Variants in SLC10A7 observed in about 807,000 individuals in gnomAD.
The protein encoded by SLC10A7 is sodium/bile acid cotransporter 7.
A neutral mutation model predicts 43.2 loss-of-function variants in SLC10A7; 29 were observed. The ratio of observed to expected loss-of-function variants is 0.67; its 90% CI spans 0.50 to 0.92. The LOEUF (loss-of-function observed/expected upper bound fraction) is 0.92. Ranked by LOEUF, SLC10A7 falls within the 40% of genes least tolerant of loss-of-function variation. SLC10A7 has a pLI of 0.00. For synonymous variants in SLC10A7, 152 were observed against 144.8 expected, an observed-to-expected ratio of 1.05 and a Z score of -0.35; for missense variants, 295 against 403.2, an observed-to-expected ratio of 0.73 and a Z score of 2.30.
intron 5 of SLC10A7, among the ~76,000 whole-genome samples, chr4:146,409,520 G>A (rs573324144): frequency 4.1e-4 from 62 of 152,014 alleles, no homozygotes; most frequent in Non-Finnish European, 7.6e-4. Context: ...GGGGGTGATG[G>A]AATGTTCTAC....
At chr4:146,437,266 G>A (rs1730285413) in intron 5 of SLC10A7, among the ~76,000 whole-genome samples, 1 of 152,014 alleles carries the variant, frequency 6.6e-6, no homozygotes. Context: ...GCTCAAACAG[G>A]TGATGATCAA....
intron 5 of SLC10A7, among the ~76,000 whole-genome samples, chr4:146,400,270 A>G (rs536733894): frequency 1.7e-4 from 26 of 152,294 alleles, no homozygotes; most frequent in Admixed American, 7.2e-4. Flanking sequence ...ACAAGGGTAG[A>G]GCCTAAAGGC....
Position 146,261,220 on chromosome 4 carries a change from G to A in SLC10A7, c.848-2383C>T, listed in dbSNP as rs182022262. ...GGGCCCCAGAGGAAGGCTGGAGGAG[G>A]AGGAGGAATTTCTTTCTAGTCTGGG... On this transcript the variant is annotated intron_variant, in intron 10 of 11. Coordinates refer to ENST00000335472, the MANE Select transcript of SLC10A7 (RefSeq NM_001029998.6). Among the ~76,000 whole-genome samples the A allele has an allele frequency of 3.0e-3, 457 of 152,308 alleles. 2 individuals are homozygous for A. Among genetic ancestry groups the A allele is most frequent in the African/African-American group, 9.8e-3 (409 of 41,576 alleles).
At chr4:146,461,438 C>A (rs1732516389) in intron 4 of SLC10A7, among the ~76,000 whole-genome samples, 1 of 151,820 alleles carries the variant, frequency 6.6e-6, no homozygotes, top group African/African-American at 2.4e-5. Context: ...TAAAGTAAGG[C>A]CCAGTAAGCC....
intron 4 of SLC10A7, among the ~76,000 whole-genome samples, chr4:146,501,359 T>C (rs1247748458): frequency 6.6e-6 from 1 of 152,220 alleles, no homozygotes; most frequent in Admixed American, 6.5e-5. Context: ...TGGCTGACAT[T>C]ACAAGTATTC....
At chr4:146,338,256 G>T (rs904348498) in intron 5 of SLC10A7, among the ~76,000 whole-genome samples, 4 of 151,900 alleles carry the variant, frequency 2.6e-5, no homozygotes, top group African/African-American at 7.2e-5. Context: ...AATGAGACTA[G>T]TTGACATTTA....
At chr4:146,404,360 C>T (rs1739427037) in intron 5 of SLC10A7, among the ~76,000 whole-genome samples, 1 of 152,144 alleles carries the variant, frequency 6.6e-6, no homozygotes, top group Middle Eastern at 3.4e-3. Flanking sequence ...TTGCCAACAA[C>T]AGGTCTTGTG....
chr4:146,353,399 T>C (rs1203741407), intron 5 of SLC10A7, among the ~76,000 whole-genome samples: 1 of 140,760 alleles, frequency 7.1e-6, no homozygotes, highest in African/African-American at 2.7e-5. Flanking sequence ...TAATCAATAG[T>C]TTACCAACCA....
intron 10 of SLC10A7, among the ~76,000 whole-genome samples, chr4:146,263,586 C>T (rs191509785): frequency 6.6e-5 from 10 of 152,228 alleles, no homozygotes; most frequent in South Asian, 6.2e-4. Context: ...GCTATCACTG[C>T]GGTAATATAA....
chr4:146,457,779 C>G lies in SLC10A7; in HGVS notation c.397-14958G>C, dbSNP rs949948049. Among the ~76,000 whole-genome samples, 5 of 152,014 alleles carry G rather than the reference C, an allele frequency of 3.3e-5. No homozygotes were observed. In the East Asian group the frequency reaches 7.7e-4, roughly 24 times the overall value. On this transcript the variant is annotated intron_variant, in intron 4 of 11. Coordinates refer to ENST00000335472, the MANE Select transcript of SLC10A7 (RefSeq NM_001029998.6). ...CCTTGAAAGACACAAACTACAAAAA[C>G]TCTCTTAAGAACAGATGACCTAAAT...
rs139782819 is a variant in SLC10A7, at chr4:146,516,165, C to G, written c.183+873G>C. ...CCTTCTTATAGTGAGATAGTCCCAT[C>G]TATATAAGAACAGGATGTTAGAATG... On this transcript the variant is annotated intron_variant, in intron 2 of 11. Transcript: ENST00000335472. Among the ~76,000 whole-genome samples, 1,066 of 152,006 alleles carry G rather than the reference C, an allele frequency of 7.0e-3. 9 individuals are homozygous for G. The highest frequency in any genetic ancestry group is 0.024 in the African/African-American group (1,016 of 41,478).
chr4:146,293,566 C>T (rs75809616), intron 8 of SLC10A7, among the ~76,000 whole-genome samples: 4 of 152,088 alleles, frequency 2.6e-5, no homozygotes, highest in Middle Eastern at 3.2e-3. Flanking sequence ...ATATATTATA[C>T]ATCCTGTTTT....
chr4:146,370,523 G>A (rs550340603), intron 5 of SLC10A7, among the ~76,000 whole-genome samples: 1 of 152,278 alleles, frequency 6.6e-6, no homozygotes, highest in South Asian at 2.1e-4. Context: ...CCTAAAGGGA[G>A]TCCCCTGAGC....
chr4:146,350,398 C>CCCACG (rs1293954381), intron 5 of SLC10A7, among the ~76,000 whole-genome samples: 1 of 39,878 alleles, frequency 2.5e-5, no homozygotes, highest in Non-Finnish European at 5.0e-5. Flanking sequence ...CGGAATCTCG[C>CCCACG]TGATTGCTAG....
intron 9 of SLC10A7, among the ~76,000 whole-genome samples, chr4:146,289,387 T>C (rs1730250754): frequency 6.6e-6 from 1 of 152,244 alleles, no homozygotes; most frequent in African/African-American, 2.4e-5. Flanking sequence ...TTTTCCTTCA[T>C]TAACAGTTTC....
intron 5 of SLC10A7, 47 bp from the exon 6 acceptor site, chr4:146,326,043 A>G (rs1733081494): frequency 3.2e-6 from 5 of 1,571,334 alleles, no homozygotes; most frequent in Non-Finnish European, 4.3e-6. Flanking sequence ...CCTGGAAAGC[A>G]GGACACTTTC....
intron 4 of SLC10A7, among the ~76,000 whole-genome samples, chr4:146,502,095 G>A (rs1736471323): frequency 6.6e-6 from 1 of 152,080 alleles, no homozygotes; most frequent in African/African-American, 2.4e-5. Context: ...ATGAGCAAGA[G>A]AGCTAATAGA....
At chr4:146,273,669 T>C (rs910364347) in intron 10 of SLC10A7, among the ~76,000 whole-genome samples, 2 of 152,110 alleles carry the variant, frequency 1.3e-5, no homozygotes, top group South Asian at 2.1e-4. Context: ...AATAGTATTA[T>C]GGGGCTCAAA....
At chr4:146,279,531 A>G (rs1281703159) in intron 10 of SLC10A7, among the ~76,000 whole-genome samples, 1 of 152,192 alleles carries the variant, frequency 6.6e-6, no homozygotes, top group Non-Finnish European at 1.5e-5. Context: ...ATCAAACTAG[A>G]GAATACTTTG....
Sources: allele counts gnomAD v4.1 joint callset (sites outside exome capture counted in the v4.1 genomes callset), GRCh38; gene constraint gnomAD v4.1.1; transcripts MANE v1.5; gene names NCBI Gene and HGNC (gene_info 2026-07-23, HGNC 2026-07-21).